Variants in CASR observed in about 807,000 individuals in gnomAD.
CASR encodes extracellular calcium-sensing receptor.
Under a neutral mutation model 69.1 loss-of-function variants are expected in CASR, and 23 were observed. The observed-to-expected ratio is 0.33, with a 90% CI of 0.24 to 0.47. The LOEUF (loss-of-function observed/expected upper bound fraction) is 0.47, where lower values mean the gene tolerates loss of function less well. CASR is among the 20% of genes least tolerant of loss of function. The pLI is 1.00. For missense variants in CASR, 924 were observed against 1,356.1 expected (o/e 0.68, Z 5.00); for synonymous variants, 541 against 544.7 (o/e 0.99, Z 0.10).
At chr3:122,272,256 C>A (rs1168177536) in intron 4 of CASR, among the ~76,000 whole-genome samples, 1 of 152,168 alleles carries the variant, frequency 6.6e-6, no homozygotes, top group Non-Finnish European at 1.5e-5. Flanking sequence ...AAGTTCTCTA[C>A]GTTTCAATCA....
intron 1 of CASR, among the ~76,000 whole-genome samples, chr3:122,235,498 C>T (rs9837248): frequency 0.022 from 3,294 of 152,180 alleles, 113 homozygotes; most frequent in African/African-American, 0.074. Flanking sequence ...TCAGGGAAAC[C>T]GAAGAATGAA....
chr3:122,191,214 G>GGA (rs1332178987), intron 1 of CASR, among the ~76,000 whole-genome samples: 1 of 152,212 alleles, frequency 6.6e-6, no homozygotes, highest in Admixed American at 6.5e-5. Context: ...GAATGAGGAA[G>GGA]TTCTTTCTAA....
At chr3:122,219,453 G>A (rs1265145902) in intron 1 of CASR, among the ~76,000 whole-genome samples, 2 of 152,182 alleles carry the variant, frequency 1.3e-5, no homozygotes, top group African/African-American at 4.8e-5. Context: ...CCAGATCAGG[G>A]TTCAGGGACC....
intron 1 of CASR, among the ~76,000 whole-genome samples, chr3:122,202,341 A>C (rs2073964724): frequency 6.6e-6 from 1 of 152,078 alleles, no homozygotes; most frequent in African/African-American, 2.4e-5. Context: ...TCAGGCAGGG[A>C]GGTTGCAGTG....
chr3:122,212,987 C>G (rs773516978), intron 1 of CASR, among the ~76,000 whole-genome samples: 27 of 152,238 alleles, frequency 1.8e-4, no homozygotes, highest in Non-Finnish European at 3.4e-4. Context: ...TTCTGGGATG[C>G]ATTTACTCTT....
At chr3:122,233,076 T>C (rs984822201) in intron 1 of CASR, among the ~76,000 whole-genome samples, 2 of 152,184 alleles carry the variant, frequency 1.3e-5, no homozygotes, top group Admixed American at 6.5e-5. Flanking sequence ...CCTTACAGCT[T>C]CAGTCTCACT....
intron 1 of CASR, among the ~76,000 whole-genome samples, chr3:122,225,609 T>G (rs2107604689): frequency 6.7e-6 from 1 of 149,084 alleles, no homozygotes; most frequent in East Asian, 2.0e-4. Flanking sequence ...AAGGGAACAC[T>G]TATGCGCTGT....
At chr3:122,269,168 T>C (rs1443265617) in intron 4 of CASR, among the ~76,000 whole-genome samples, 1 of 152,192 alleles carries the variant, frequency 6.6e-6, no homozygotes, top group Non-Finnish European at 1.5e-5. Context: ...TGTTTGCTTG[T>C]TTTTGTTTAT....
chr3:122,222,826 G>A (rs927496519), intron 1 of CASR, among the ~76,000 whole-genome samples: 1 of 114,832 alleles, frequency 8.7e-6, no homozygotes, highest in Non-Finnish European at 1.9e-5. Flanking sequence ...CATAAAGCAA[G>A]TCTCAACAAA....
intron 5 of CASR, 54 bp downstream of exon 5, chr3:122,276,096 G>C (rs1411818377): frequency 8.3e-7 from 1 of 1,199,166 alleles, no homozygotes; most frequent in Middle Eastern, 2.0e-4. Context: ...AGGAAACTGT[G>C]CTGGGCTTTG....
At chr3:122,274,484 T>G (rs1211804234) in intron 4 of CASR, among the ~76,000 whole-genome samples, 1 of 152,244 alleles carries the variant, frequency 6.6e-6, no homozygotes, top group Non-Finnish European at 1.5e-5. Context: ...TCAGTCCACG[T>G]GTTTGTCACA....
intron 1 of CASR, among the ~76,000 whole-genome samples, chr3:122,199,301 A>G (rs1202636409): frequency 6.6e-6 from 1 of 152,172 alleles, no homozygotes; most frequent in Non-Finnish European, 1.5e-5. Flanking sequence ...CTTCTATTCA[A>G]TCTGAGAAGT....
At chr3:122,280,567 T>C (rs1455592891) in intron 5 of CASR, among the ~76,000 whole-genome samples, 2 of 152,190 alleles carry the variant, frequency 1.3e-5, no homozygotes, top group Non-Finnish European at 2.9e-5. Context: ...AAGATGATGA[T>C]GTGAGTTGTC....
chr3:122,200,934 T>C (rs965555847), intron 1 of CASR, among the ~76,000 whole-genome samples: 1 of 152,092 alleles, frequency 6.6e-6, no homozygotes, highest in African/African-American at 2.4e-5. Flanking sequence ...TTCTTCTCTT[T>C]GTCCATTCAT....
chr3:122,278,039 G>A (rs550140246), intron 5 of CASR, among the ~76,000 whole-genome samples: 107 of 152,236 alleles, frequency 7.0e-4, no homozygotes, highest in African/African-American at 1.6e-3. Flanking sequence ...TTTCTGTGCT[G>A]TTGTGGAAAT....
chr3:122,225,187 CA>C (rs1295872608), intron 1 of CASR, among the ~76,000 whole-genome samples: 1 of 151,940 alleles, frequency 6.6e-6, no homozygotes, highest in Non-Finnish European at 1.5e-5. Context: ...TCCCCAAAAG[CA>C]ATTGCAACAA....
chr3:122,184,405 T>C (rs1174458174), intron 1 of CASR: 1 of 152,604 alleles, frequency 6.6e-6, no homozygotes, highest in Non-Finnish European at 1.5e-5. Context: ...TCCAAGACCG[T>C]GACCTTGGCA....
intron 6 of CASR, among the ~76,000 whole-genome samples, 170 bp from the exon 7 acceptor site, chr3:122,283,517 C>T (rs903878787): frequency 6.6e-6 from 1 of 152,066 alleles, no homozygotes; most frequent in African/African-American, 2.4e-5. Context: ...TTAAACATGT[C>T]GGGGTTCAGC....
intron 5 of CASR, among the ~76,000 whole-genome samples, chr3:122,279,754 T>C (rs1295023653): frequency 6.6e-6 from 1 of 152,160 alleles, no homozygotes; most frequent in African/African-American, 2.4e-5. Flanking sequence ...GAAGGGAACC[T>C]CACTTTACCT....
Sources: gnomAD v4.1 joint callset for allele counts (sites outside exome capture counted in the v4.1 genomes callset) on GRCh38, gnomAD v4.1.1 for gene constraint, MANE v1.5 for transcripts, NCBI Gene and HGNC (gene_info 2026-07-23, HGNC 2026-07-21) for gene names.